The following DLGAP2 variants were observed in gnomAD, a reference collection of about 807,000 sequenced individuals.
DLGAP2 encodes the protein disks large-associated protein 2.
DLGAP2 carries 26 observed loss-of-function variants against 100.3 expected under a neutral mutation model. The ratio of observed to expected loss-of-function variants is 0.26; its 90% confidence interval spans 0.19 to 0.36. The LOEUF is 0.36. Among genes scored for constraint, DLGAP2 ranks in the 10% least tolerant of loss-of-function variants. The pLI is 1.00. For missense variants in DLGAP2, 1,858 were observed against 1,453.2 expected, an observed-to-expected ratio of 1.28 and a Z score of -4.53; for synonymous variants, 886 against 630.1, an observed-to-expected ratio of 1.41 and a Z score of -6.08.
intron 2 of DLGAP2, among the ~76,000 whole-genome samples, chr8:1,241,074 GTGACGTGTCTAGTTCTCT>G (rs1798781902): frequency 3.0e-5 from 1 of 33,322 alleles, no homozygotes; most frequent in Non-Finnish European, 6.1e-5. Context: ...CTCTCACATG[GTGACGTGTCTAGTTCTCT>G]CACATGGCGC....
At chr8:1,315,218 C>T (rs568210641) in intron 3 of DLGAP2, among the ~76,000 whole-genome samples, 27 of 152,282 alleles carry the variant, frequency 1.8e-4, no homozygotes, top group Admixed American at 4.6e-4. Flanking sequence ...AAAAATAGAG[C>T]GTGTGCAAGT....
chr8:1,377,498 C>T (rs967840805), intron 3 of DLGAP2, among the ~76,000 whole-genome samples: 15 of 152,082 alleles, frequency 9.9e-5, no homozygotes, highest in Non-Finnish European at 1.6e-4. Context: ...GAGCTGAGAT[C>T]GCACCACTGC....
chr8:1,455,236 T>TCAGGTG (rs1357467687), intron 3 of DLGAP2, among the ~76,000 whole-genome samples: 2 of 152,186 alleles, frequency 1.3e-5, no homozygotes, highest in Non-Finnish European at 1.5e-5. Flanking sequence ...GGACGCCCAG[T>TCAGGTG]CAGGTGCAGG....
chr8:818,939 C>T (rs1381847703), intron 1 of DLGAP2, among the ~76,000 whole-genome samples: 3 of 152,068 alleles, frequency 2.0e-5, no homozygotes, highest in Non-Finnish European at 4.4e-5. Context: ...CATGGAACAA[C>T]TAAAAATTTT....
chr8:1,685,257 G>C (rs73672929), intron 12 of DLGAP2, among the ~76,000 whole-genome samples: 7,255 of 152,308 alleles, frequency 0.048, 288 homozygotes, highest in East Asian at 0.094. Flanking sequence ...CAGGGCACGA[G>C]GATGACATGG....
intron 3 of DLGAP2, among the ~76,000 whole-genome samples, chr8:1,417,289 G>C (rs1347975495): frequency 3.3e-5 from 5 of 152,052 alleles, no homozygotes; most frequent in African/African-American, 1.2e-4. Flanking sequence ...GGAGAGACCG[G>C]CGTTCATTTA....
Position 1,701,263 on chromosome 8 carries a change from C to T in DLGAP2, c.3025C>T (p.Leu1009=). ...GTTTCCCATCACAAGAGAAAAATCC[C>T]TGGACCTGCCCGACAGACAACGCCA... The part of the protein sequence containing the change: ...GKFPITREKS[L]DLPDRQRQEA... Residue 1009 remains leucine (L), a synonymous_variant, in exon 15 of 15, where the codon CTG becomes TTG. Transcript: ENST00000637795. 6.3e-7 allele frequency: 1 copy of T among 1,582,142 alleles called. No individual in the cohort carries two copies. Among genetic ancestry groups the T allele is most frequent in the East Asian group, 2.3e-5 (1 of 42,780 alleles).
chr8:1,535,594 G>T (rs903530267), intron 4 of DLGAP2, among the ~76,000 whole-genome samples: 1 of 152,216 alleles, frequency 6.6e-6, no homozygotes, highest in Admixed American at 6.5e-5. Context: ...ATGTGTGATG[G>T]ATTTGGTTTT....
intron 2 of DLGAP2, among the ~76,000 whole-genome samples, chr8:908,377 T>A (rs1267829341): frequency 6.6e-6 from 1 of 152,190 alleles, no homozygotes; most frequent in Non-Finnish European, 1.5e-5. Context: ...GGCCTTTCTT[T>A]GTGATCAGGG....
At chr8:882,203 C>T (rs920568362) in intron 1 of DLGAP2, among the ~76,000 whole-genome samples, 4 of 152,030 alleles carry the variant, frequency 2.6e-5, no homozygotes, top group East Asian at 3.8e-4. Flanking sequence ...TGAGACATGA[C>T]GGGGATTTAT....
chr8:1,210,461 T>G (rs977670230), intron 2 of DLGAP2, among the ~76,000 whole-genome samples: 12 of 152,166 alleles, frequency 7.9e-5, no homozygotes, highest in African/African-American at 2.9e-4. Flanking sequence ...CAGGAGTGTG[T>G]GGGGGGAAGG....
rs538557257 is a variant in DLGAP2, at chr8:997,978, C to G, written c.73+90012C>G. On this transcript the variant is annotated intron_variant, in intron 2 of 14. Transcript: ENST00000637795. ...ACACATGCATACACGCATGCATGTACATGCACAAACACGTGCACACAAACA... is the reference window on the plus strand; with the variant it reads ...ACACATGCATACACGCATGCATGTAGATGCACAAACACGTGCACACAAACA... Among the ~76,000 whole-genome samples, 25 of 152,288 alleles carry G rather than the reference C, an allele frequency of 1.6e-4. No homozygotes were observed. In the East Asian group the frequency reaches 4.3e-3, roughly 26 times the overall value.
At chr8:849,000 C>T (rs1259128720) in intron 1 of DLGAP2, among the ~76,000 whole-genome samples, 20 of 150,990 alleles carry the variant, frequency 1.3e-4, no homozygotes, top group Admixed American at 1.1e-3. Flanking sequence ...AGCATAGGAT[C>T]GTGAGGTGCC....
At chr8:1,306,602 A>G (rs1217452387) in intron 3 of DLGAP2, among the ~76,000 whole-genome samples, 1 of 152,214 alleles carries the variant, frequency 6.6e-6, no homozygotes, top group Non-Finnish European at 1.5e-5. Context: ...TTGAAAAATA[A>G]GAACTAAGTT....
intron 3 of DLGAP2, among the ~76,000 whole-genome samples, chr8:1,497,454 T>G (rs1250205448): frequency 6.6e-6 from 1 of 152,174 alleles, no homozygotes; most frequent in Non-Finnish European, 1.5e-5. Context: ...CAACGTTGGC[T>G]TCCTAGGCCA....
intron 1 of DLGAP2, among the ~76,000 whole-genome samples, chr8:798,360 A>C (rs1244492611): frequency 6.8e-6 from 1 of 147,116 alleles, no homozygotes; most frequent in Non-Finnish European, 1.5e-5. Flanking sequence ...CAGGACCTGC[A>C]GCCCCGTGCC....
At chr8:747,157 G>A (rs906328543) in intron 1 of DLGAP2, among the ~76,000 whole-genome samples, 4 of 152,034 alleles carry the variant, frequency 2.6e-5, no homozygotes, top group Non-Finnish European at 5.9e-5. Context: ...GCTCTAGAGT[G>A]TGAGGGGCTG....
intron 1 of DLGAP2, among the ~76,000 whole-genome samples, chr8:828,872 C>T (rs1230064090): frequency 6.6e-6 from 1 of 152,208 alleles, no homozygotes; most frequent in Non-Finnish European, 1.5e-5. Flanking sequence ...TCCCTGACTT[C>T]CCACAACAAT....
intron 3 of DLGAP2, among the ~76,000 whole-genome samples, chr8:1,446,069 T>C (rs999147563): frequency 1.3e-5 from 2 of 152,016 alleles, no homozygotes. Flanking sequence ...GTAGTTTCTT[T>C]TGCTGTGCAG....
Sources: allele counts gnomAD v4.1 joint callset (sites outside exome capture counted in the v4.1 genomes callset), GRCh38; gene constraint gnomAD v4.1.1; transcripts MANE v1.5; gene names NCBI Gene and HGNC (gene_info 2026-07-23, HGNC 2026-07-21).